VRK2: variants seen among roughly 807,000 people sequenced by gnomAD.
The protein encoded by VRK2 is serine/threonine-protein kinase VRK2.
VRK2 carries 60 observed loss-of-function variants against 57.6 expected under a neutral mutation model. The ratio of observed to expected loss-of-function variants is 1.04; its 90% CI spans 0.85 to 1.29. VRK2 has a LOEUF of 1.29. VRK2 is among the 50% of genes most tolerant of loss of function. The pLI, the probability that VRK2 is intolerant of heterozygous loss-of-function variation, is 0.00. For synonymous variants in VRK2, 231 were observed against 199.2 expected (o/e 1.16, Z -1.35); for missense variants, 705 against 588.1 (o/e 1.20, Z -2.06).
At chr2:58,154,650 T>G in intron 12 of VRK2, 4 of 687,670 alleles carry the variant, frequency 5.8e-6, no homozygotes, top group East Asian at 2.7e-5. Context: ...TGGGGTCTCT[T>G]TGACCCATTT....
intron 1 of VRK2, among the ~76,000 whole-genome samples, chr2:57,992,333 T>C (rs1436801929): frequency 6.6e-6 from 1 of 152,146 alleles, no homozygotes; most frequent in Non-Finnish European, 1.5e-5. Flanking sequence ...AAAGCCTGAT[T>C]AATAGATAGT....
At chr2:57,962,380 C>A (rs911058376) in intron 1 of VRK2, among the ~76,000 whole-genome samples, 1 of 152,172 alleles carries the variant, frequency 6.6e-6, no homozygotes, top group Non-Finnish European at 1.5e-5. Flanking sequence ...ACCAACTCTG[C>A]CCCAATCCTG....
intron 11 of VRK2, among the ~76,000 whole-genome samples, chr2:58,142,101 AG>A (rs2104621873): frequency 6.6e-6 from 1 of 152,072 alleles, no homozygotes; most frequent in African/African-American, 2.4e-5. Flanking sequence ...GGACCAGAAA[AG>A]GTATACATAA....
intron 8 of VRK2, among the ~76,000 whole-genome samples, chr2:58,131,370 C>T (rs1007024145): frequency 6.6e-6 from 1 of 151,462 alleles, no homozygotes; most frequent in African/African-American, 2.4e-5. Context: ...AATGTTTAGT[C>T]TGCACTCAGA....
At chr2:58,043,512 TTC>T (rs1674547502), upstream of VRK2, among the ~76,000 whole-genome samples, 1 of 152,204 alleles carries the variant, frequency 6.6e-6, no homozygotes, top group Non-Finnish European at 1.5e-5. Flanking sequence ...CCTTTGTGTC[TTC>T]TTTTACATAG....
chr2:57,975,211 A>G (rs1030822218), intron 1 of VRK2, among the ~76,000 whole-genome samples: 2 of 152,068 alleles, frequency 1.3e-5, no homozygotes, highest in Non-Finnish European at 2.9e-5. Context: ...GATAACAAAG[A>G]TACATTTAAT....
chr2:57,959,670 T>A (rs1238077857), intron 1 of VRK2, among the ~76,000 whole-genome samples: 4 of 152,166 alleles, frequency 2.6e-5, no homozygotes, highest in Non-Finnish European at 5.9e-5. Flanking sequence ...TTCCTCTTCA[T>A]GCAGAAGCTC....
intron 1 of VRK2, among the ~76,000 whole-genome samples, chr2:57,909,830 GTTAAA>G (rs1669932694): frequency 1.3e-5 from 2 of 152,034 alleles, no homozygotes; most frequent in African/African-American, 4.8e-5. Context: ...TTCTGAAAGC[GTTAAA>G]TTATTGACCT....
chr2:58,130,051 T>C (rs971601079), intron 8 of VRK2, among the ~76,000 whole-genome samples: 4 of 152,184 alleles, frequency 2.6e-5, no homozygotes, highest in Non-Finnish European at 5.9e-5. Context: ...TTATGAAAGA[T>C]TGGCTTCAGA....
chr2:58,121,503 C>T (rs1474424765), intron 7 of VRK2, among the ~76,000 whole-genome samples: 1 of 152,032 alleles, frequency 6.6e-6, no homozygotes, highest in Non-Finnish European at 1.5e-5. Context: ...CTTCTGAGGC[C>T]ATGTTAAGAA....
intron 2 of VRK2, among the ~76,000 whole-genome samples, chr2:58,068,372 ATTTC>A (rs1274843258): frequency 2.0e-5 from 3 of 151,988 alleles, no homozygotes; most frequent in Non-Finnish European, 2.9e-5. Context: ...CATCTTCATC[ATTTC>A]TGATGATAAA....
chr2:58,117,475 T>C (rs1676700868), intron 7 of VRK2, among the ~76,000 whole-genome samples: 2 of 151,902 alleles, frequency 1.3e-5, no homozygotes, highest in Admixed American at 1.3e-4. Flanking sequence ...AGAGGTCACA[T>C]GGGTCTATAG....
At chr2:57,933,657 TG>T (rs1558500563) in intron 1 of VRK2, among the ~76,000 whole-genome samples, 6 of 84,778 alleles carry the variant, frequency 7.1e-5, no homozygotes, top group African/African-American at 4.7e-4. Context: ...GTTGAGTTTT[TG>T]GGTTGTTTTT....
chr2:57,954,261 G>A (rs1671514594), intron 1 of VRK2, among the ~76,000 whole-genome samples: 1 of 152,068 alleles, frequency 6.6e-6, no homozygotes. Context: ...AGCCACTGAA[G>A]GAAGTAATCC....
chr2:58,081,857 CGTGTGTGTGTGTGTGTGT>C (rs369430200), intron 2 of VRK2, among the ~76,000 whole-genome samples: 5 of 142,204 alleles, frequency 3.5e-5, no homozygotes, highest in South Asian at 4.7e-4. Flanking sequence ...ATACCATGTC[CGTGTGTGTGTGTGTGTGT>C]GTGTGTGTGT....
intron 1 of VRK2, among the ~76,000 whole-genome samples, chr2:57,909,816 T>C (rs945278275): frequency 6.6e-6 from 1 of 152,210 alleles, no homozygotes; most frequent in African/African-American, 2.4e-5. Flanking sequence ...TGATATTGCA[T>C]ACTTTCTGAA....
intron 1 of VRK2, among the ~76,000 whole-genome samples, chr2:57,911,630 G>T (rs1005434387): frequency 6.6e-6 from 1 of 152,144 alleles, no homozygotes; most frequent in African/African-American, 2.4e-5. Context: ...ACATATAAAA[G>T]AACTAGATAA....
chr2:57,976,816 T>C (rs1672265453), intron 1 of VRK2, among the ~76,000 whole-genome samples: 1 of 152,148 alleles, frequency 6.6e-6, no homozygotes, highest in Non-Finnish European at 1.5e-5. Flanking sequence ...CACAATGGTA[T>C]GTGCTAGATT....
At chr2:58,007,577 C>T (rs1413976337) in intron 1 of VRK2, among the ~76,000 whole-genome samples, 1 of 152,074 alleles carries the variant, frequency 6.6e-6, no homozygotes, top group African/African-American at 2.4e-5. Flanking sequence ...TCTCTGCTTA[C>T]TTTATGTAAG....
Sources: gnomAD v4.1 joint callset for allele counts (sites outside exome capture counted in the v4.1 genomes callset) on GRCh38, gnomAD v4.1.1 for gene constraint, MANE v1.5 for transcripts, NCBI Gene and HGNC (gene_info 2026-07-23, HGNC 2026-07-21) for gene names.